Variants in PTPRN2 observed in about 807,000 individuals in gnomAD.
PTPRN2 encodes protein tyrosine phosphatase receptor type N2.
In PTPRN2, 74 loss-of-function variants were observed where a neutral mutation model predicts 118.8. That is an observed-to-expected ratio of 0.62 (90% CI 0.52 to 0.76). PTPRN2 has a LOEUF of 0.76. Ranked by LOEUF, PTPRN2 falls within the 30% of genes least tolerant of loss-of-function variation. The probability of loss-of-function intolerance (pLI) is 0.00; values close to 1 mark genes in which losing one functional copy is unlikely to be tolerated. For missense variants in PTPRN2, 1,481 were observed against 1,394.4 expected, an observed-to-expected ratio of 1.06 and a Z score of -0.99; for synonymous variants, 641 against 608.0, an observed-to-expected ratio of 1.05 and a Z score of -0.80.
At chr7:158,202,927 A>T (rs1826747872) in intron 4 of PTPRN2, among the ~76,000 whole-genome samples, 1 of 152,184 alleles carries the variant, frequency 6.6e-6, no homozygotes, top group Admixed American at 6.5e-5. Context: ...ATATACAGAA[A>T]ATTCACAAAG....
In PTPRN2 at chr7:157,585,521, C is replaced by T. The variant is rs1477708758; in HGVS notation, c.2497-7381G>A. 1.3e-5 allele frequency among the ~76,000 whole-genome samples: 2 copies of T among 152,184 alleles called. No homozygotes were observed. Among genetic ancestry groups the T allele is most frequent in the Non-Finnish European group, 1.5e-5 (1 of 68,024 alleles). On this transcript the variant is annotated intron_variant, in intron 17 of 22. Coordinates refer to ENST00000389418, the MANE Select transcript of PTPRN2 (RefSeq NM_002847.5). This position sits in a 1 kb window ranked among gnomAD's most constrained non-coding sequence, Gnocchi z 5.2. ...CTCCACCCGGCCTTTGTGTGACCAC[C>T]GTGGGTGCCTTTGTGATCAGGCATT...
At chr7:158,159,820 A>G (rs1822198670) in intron 6 of PTPRN2, among the ~76,000 whole-genome samples, 1 of 152,238 alleles carries the variant, frequency 6.6e-6, no homozygotes, top group Admixed American at 6.5e-5. Context: ...AAGAAAGCAA[A>G]AGTAAAGAAA....
rs141330019 is a variant in PTPRN2 at position 158,293,025 on chromosome 7, G to A, written c.277+23794C>T. ...AGAGGTTGCAGTGAGTCAAGATCACGTCACTGCACTCCAGCCTGGGCAACA... is the reference window on the plus strand; with the variant it reads ...AGAGGTTGCAGTGAGTCAAGATCACATCACTGCACTCCAGCCTGGGCAACA... On this transcript the variant is annotated intron_variant, in intron 3 of 22. Coordinates refer to ENST00000389418, the MANE Select transcript of PTPRN2 (RefSeq NM_002847.5). Among the ~76,000 whole-genome samples, 1,446 of 151,836 alleles carry A rather than the reference G, an allele frequency of 9.5e-3. 21 individuals are homozygous for A. The highest frequency in any genetic ancestry group is 0.033 in the African/African-American group (1,349 of 41,394).
chr7:157,639,329 C>A (rs1440351548), intron 14 of PTPRN2, among the ~76,000 whole-genome samples: 3 of 152,158 alleles, frequency 2.0e-5, no homozygotes, highest in Non-Finnish European at 2.9e-5. Context: ...AGCCACTGTG[C>A]CCAGCTATCT....
At chr7:158,149,455 A>AC (rs970138881) in intron 6 of PTPRN2, among the ~76,000 whole-genome samples, 3 of 152,114 alleles carry the variant, frequency 2.0e-5, no homozygotes, top group African/African-American at 7.2e-5. Flanking sequence ...AAAAAAAAAA[A>AC]ATCCTTATTT....
intron 11 of PTPRN2, among the ~76,000 whole-genome samples, chr7:157,939,408 G>T (rs1456556471): frequency 6.6e-6 from 1 of 152,254 alleles, no homozygotes. Flanking sequence ...GAACAGAGCT[G>T]CTCTAGAGAC....
intron 12 of PTPRN2, among the ~76,000 whole-genome samples, chr7:157,744,499 C>T (rs1207091557): frequency 6.6e-6 from 1 of 152,166 alleles, no homozygotes; most frequent in African/African-American, 2.4e-5. Context: ...TGAGCATGCT[C>T]AGAATTCCAT....
intron 3 of PTPRN2, among the ~76,000 whole-genome samples, chr7:158,281,042 G>A (rs764117835): frequency 1.3e-5 from 2 of 152,232 alleles, no homozygotes; most frequent in Non-Finnish European, 2.9e-5. Flanking sequence ...AGTGGCTCAC[G>A]CCTCTAATCC....
intron 1 of PTPRN2, among the ~76,000 whole-genome samples, chr7:158,514,606 T>A (rs1221491408): frequency 6.6e-6 from 1 of 152,064 alleles, no homozygotes; most frequent in African/African-American, 2.4e-5. Flanking sequence ...CAACCCCACC[T>A]CTTCCTCAGT....
intron 16 of PTPRN2, among the ~76,000 whole-genome samples, chr7:157,600,507 C>T (rs746189766): frequency 2.0e-4 from 30 of 152,084 alleles, no homozygotes; most frequent in African/African-American, 7.2e-4. Flanking sequence ...TGCAACCTCT[C>T]CCTCCTGGGT....
intron 11 of PTPRN2, among the ~76,000 whole-genome samples, chr7:158,055,264 C>T (rs887553492): frequency 6.6e-6 from 1 of 152,272 alleles, no homozygotes; most frequent in Non-Finnish European, 1.5e-5. Context: ...AGGGTGTGAG[C>T]CTTCTGTTAT....
chr7:158,437,502 T>C (rs1816652032), intron 2 of PTPRN2, among the ~76,000 whole-genome samples: 1 of 152,198 alleles, frequency 6.6e-6, no homozygotes, highest in South Asian at 2.1e-4. Flanking sequence ...GGTGAGTCTA[T>C]CTTCTTACCT....
At chr7:157,705,030 G>A (rs571164412) in intron 12 of PTPRN2, among the ~76,000 whole-genome samples, 16 of 152,300 alleles carry the variant, frequency 1.1e-4, no homozygotes, top group East Asian at 3.9e-4. Flanking sequence ...GTACTTGGCC[G>A]GGCGTGGTGG....
chr7:158,309,273 C>T (rs1801521545), intron 3 of PTPRN2, among the ~76,000 whole-genome samples: 1 of 152,280 alleles, frequency 6.6e-6, no homozygotes, highest in African/African-American at 2.4e-5. Context: ...TCTGGGTGGG[C>T]ACCATCTAAT....
Position 157,585,961 on chromosome 7 carries a change from A to G in PTPRN2, c.2497-7821T>C, listed in dbSNP as rs755208755. Among the ~76,000 whole-genome samples the G allele has an allele frequency of 1.2e-4, 18 of 152,234 alleles. No individual in the cohort carries two copies. The highest frequency in any genetic ancestry group is 2.4e-4 in the Non-Finnish European group (16 of 68,046). On this transcript the variant is annotated intron_variant, in intron 17 of 22. Coordinates refer to ENST00000389418, the MANE Select transcript of PTPRN2 (RefSeq NM_002847.5). This position sits in a 1 kb window ranked among gnomAD's most constrained non-coding sequence, Gnocchi z 5.2. ...TCTTTGCACTGTCCCAGGCAGAACC[A>G]TGGACAAGCTTTGAGGTCATAGGTT...
At chr7:157,923,643 G>A (rs1419235287) in intron 11 of PTPRN2, among the ~76,000 whole-genome samples, 3 of 152,214 alleles carry the variant, frequency 2.0e-5, no homozygotes, top group African/African-American at 2.4e-5. Context: ...CTCAACTGAC[G>A]GATAAAACCC....
intron 2 of PTPRN2, among the ~76,000 whole-genome samples, chr7:158,371,574 C>T (rs7809909): frequency 0.66 from 99,590 of 151,428 alleles, 33,223 homozygotes; most frequent in East Asian, 0.83. Flanking sequence ...GACCTTGTGA[C>T]GCAACAAGCA....
At chr7:157,797,947 T>C (rs1308571237) in intron 12 of PTPRN2, among the ~76,000 whole-genome samples, 1 of 152,210 alleles carries the variant, frequency 6.6e-6, no homozygotes, top group Non-Finnish European at 1.5e-5. Context: ...AGGTCTGTCT[T>C]CCTACATTTC....
intron 9 of PTPRN2, among the ~76,000 whole-genome samples, chr7:158,113,720 G>A (rs1020462470): frequency 6.6e-6 from 1 of 152,188 alleles, no homozygotes; most frequent in African/African-American, 2.4e-5. Flanking sequence ...ACGCATTGAG[G>A]TGGATTCTCA....
Sources: allele counts gnomAD v4.1 joint callset (sites outside exome capture counted in the v4.1 genomes callset), GRCh38; gene constraint gnomAD v4.1.1; non-coding constraint Gnocchi (gnomAD v3.1); transcripts MANE v1.5; gene names NCBI Gene and HGNC (gene_info 2026-07-23, HGNC 2026-07-21).